Variants in ABTB3 observed in about 807,000 individuals in gnomAD.
ABTB3 encodes ankyrin repeat- and BTB/POZ domain-containing protein 3.
chr12:107,385,803 T>C, the ABTB3 span, among the ~76,000 whole-genome samples: 1 of 152,180 alleles, frequency 6.6e-6, no homozygotes, highest in Non-Finnish European at 1.5e-5. Flanking sequence ...TCTCTGGCAT[T>C]TCCTGCTCCT....
the ABTB3 span, among the ~76,000 whole-genome samples, chr12:107,323,500 T>A: frequency 6.6e-6 from 1 of 152,234 alleles, no homozygotes; most frequent in East Asian, 1.9e-4. Context: ...TAAAAACTTT[T>A]CAGAACTGGA....
the ABTB3 span, among the ~76,000 whole-genome samples, chr12:107,622,961 A>G: frequency 6.6e-6 from 1 of 152,120 alleles, no homozygotes; most frequent in Non-Finnish European, 1.5e-5. Context: ...CTAAATTTGG[A>G]CTTCAAATGA....
the ABTB3 span, among the ~76,000 whole-genome samples, chr12:107,433,326 A>T: frequency 1.4e-5 from 2 of 145,250 alleles, no homozygotes; most frequent in Non-Finnish European, 3.0e-5. Flanking sequence ...AAAAAAAAAG[A>T]CAAGAAGAGC....
the ABTB3 span, among the ~76,000 whole-genome samples, chr12:107,564,090 C>CTCTGTGTGTGTG: frequency 1.6e-5 from 2 of 126,356 alleles, no homozygotes; most frequent in African/African-American, 5.6e-5. Context: ...ATCTATCTCT[C>CTCTGTGTGTGTG]TGTGTGTGTG....
the ABTB3 span, chr12:107,618,322 T>C: frequency 6.2e-7 from 1 of 1,613,802 alleles, no homozygotes; most frequent in Admixed American, 1.7e-5. Context: ...AGGGAGGCCA[T>C]GTATCACAGC....
At chr12:107,568,553 G>A in the ABTB3 span, among the ~76,000 whole-genome samples, 3 of 152,152 alleles carry the variant, frequency 2.0e-5, no homozygotes, top group Non-Finnish European at 2.9e-5. Context: ...TAAAATTTTA[G>A]TTCTTCAATC....
At chr12:107,626,399 G>A in the ABTB3 span, among the ~76,000 whole-genome samples, 1 of 140,062 alleles carries the variant, frequency 7.1e-6, no homozygotes, top group African/African-American at 2.7e-5. Flanking sequence ...AGGCTAGAGT[G>A]TAGTGGTGCG....
chr12:107,563,455 G>A, the ABTB3 span, among the ~76,000 whole-genome samples: 1 of 152,202 alleles, frequency 6.6e-6, no homozygotes, highest in Non-Finnish European at 1.5e-5. Flanking sequence ...AACAAACCAG[G>A]AAACTCATAA....
chr12:107,333,879 T>A, the ABTB3 span, among the ~76,000 whole-genome samples: 9 of 152,094 alleles, frequency 5.9e-5, no homozygotes, highest in Non-Finnish European at 1.3e-4. Flanking sequence ...GAGTAGGGGA[T>A]GGTTGCAATG....
At chr12:107,598,816 A>AT in the ABTB3 span, among the ~76,000 whole-genome samples, 1 of 152,192 alleles carries the variant, frequency 6.6e-6, no homozygotes, top group Admixed American at 6.5e-5. Flanking sequence ...AAGAAATGTG[A>AT]TTTGTCCAAA....
chr12:107,479,508 G>T, the ABTB3 span, among the ~76,000 whole-genome samples: 6 of 152,084 alleles, frequency 3.9e-5, no homozygotes, highest in Non-Finnish European at 8.8e-5. Flanking sequence ...CTTGTAAAAT[G>T]CTTAGGACAG....
chr12:107,502,167 C>T, the ABTB3 span, among the ~76,000 whole-genome samples: 1 of 151,570 alleles, frequency 6.6e-6, no homozygotes, highest in Admixed American at 6.6e-5. Context: ...TGGGTTCAAG[C>T]GATTCTTGTG....
At chr12:107,465,949 C>T in the ABTB3 span, among the ~76,000 whole-genome samples, 9 of 152,304 alleles carry the variant, frequency 5.9e-5, 1 homozygote, top group Admixed American at 3.9e-4. Context: ...TAATCACTTA[C>T]CAAAGCCCTA....
the ABTB3 span, among the ~76,000 whole-genome samples, chr12:107,475,512 C>G: frequency 1.3e-5 from 2 of 152,174 alleles, no homozygotes; most frequent in African/African-American, 2.4e-5. Context: ...CTTGTCCCCT[C>G]AAGTCCTTTT....
At chr12:107,402,364 G>C in the ABTB3 span, among the ~76,000 whole-genome samples, 1 of 152,166 alleles carries the variant, frequency 6.6e-6, no homozygotes, top group Non-Finnish European at 1.5e-5. Context: ...TCCAAATCTG[G>C]CTTGACCGCC....
chr12:107,332,378 T>C, the ABTB3 span, among the ~76,000 whole-genome samples: 1 of 152,216 alleles, frequency 6.6e-6, no homozygotes, highest in Non-Finnish European at 1.5e-5. Context: ...TTAGCTGCTC[T>C]ATGAGGCAGA....
At chr12:107,581,507 G>A in the ABTB3 span, among the ~76,000 whole-genome samples, 631 of 152,306 alleles carry the variant, frequency 4.1e-3, 3 homozygotes, top group African/African-American at 0.015. Flanking sequence ...AGAACGCGGC[G>A]AGGCCCGTGG....
chr12:107,657,369 G>A, the ABTB3 span: 4 of 726,202 alleles, frequency 5.5e-6, no homozygotes, highest in South Asian at 1.7e-5. Context: ...CATACCCCAT[G>A]GGTGTGTGCT....
At chr12:107,584,235 G>A in the ABTB3 span, among the ~76,000 whole-genome samples, 12 of 152,210 alleles carry the variant, frequency 7.9e-5, no homozygotes, top group Admixed American at 2.0e-4. Context: ...ACACCCAAGC[G>A]TTAGATACCA....
Sources: allele counts gnomAD v4.1 joint callset (sites outside exome capture counted in the v4.1 genomes callset), GRCh38; gene constraint gnomAD v4.1.1; transcripts MANE v1.5; gene names NCBI Gene and HGNC (gene_info 2026-07-23, HGNC 2026-07-21).